Variants in PROSER2 observed in about 807,000 individuals in gnomAD.
The protein encoded by PROSER2 is proline and serine rich 2.
In PROSER2, 18 loss-of-function variants were observed where a neutral mutation model predicts 14.6. The observed-to-expected ratio is 1.23, with a 90% CI of 0.85 to 1.83. PROSER2 has a LOEUF of 1.83. PROSER2 is among the 40% of genes most tolerant of loss of function. PROSER2 has a pLI of 0.00. For missense variants in PROSER2, 823 were observed against 629.8 expected (o/e 1.31, Z -3.28); for synonymous variants, 367 against 286.4 (o/e 1.28, Z -2.84).
intron 1 of PROSER2, among the ~76,000 whole-genome samples, chr10:11,828,064 G>T (rs1400780583): frequency 6.6e-6 from 1 of 151,992 alleles, no homozygotes; most frequent in Non-Finnish European, 1.5e-5. Flanking sequence ...GAATGGTACT[G>T]CACTGGAATT....
intron 2 of PROSER2, among the ~76,000 whole-genome samples, chr10:11,852,649 A>C (rs1338393690): frequency 6.8e-6 from 1 of 146,062 alleles, no homozygotes; most frequent in Non-Finnish European, 1.5e-5. Flanking sequence ...CCTCCCAAGT[A>C]CTGGGATTAC....
rs1429034256 is a variant in PROSER2 at position 11,838,108 on chromosome 10, G to A, written c.-81-13889G>A. ...CCTCCAGGAAACCTTTCCTTTCTGT[G>A]TTGGTAGCAGCCAGACTCAGGTGCC... On this transcript the variant is annotated intron_variant, in intron 1 of 3. Transcript: ENST00000277570. The surrounding 1 kb of genome is among the most constrained non-coding windows in gnomAD (Gnocchi z 4.4). 6.6e-6 allele frequency among the ~76,000 whole-genome samples: 1 copy of A among 152,006 alleles called. No homozygotes were observed. The highest frequency in any genetic ancestry group is 2.4e-5 in the African/African-American group (1 of 41,404).
intron 2 of PROSER2, among the ~76,000 whole-genome samples, chr10:11,864,831 C>T (rs971330834): frequency 6.6e-5 from 10 of 152,132 alleles, no homozygotes; most frequent in African/African-American, 2.4e-4. Context: ...TCGAGTGATC[C>T]ACCCACCTCG....
intron 1 of PROSER2, chr10:11,849,823 A>G (rs1434360190): frequency 6.6e-6 from 1 of 152,360 alleles, no homozygotes; most frequent in Non-Finnish European, 1.5e-5. Flanking sequence ...CTTAATCCCC[A>G]GCATGGCCAT....
rs137933250 is a variant in PROSER2, at chr10:11,841,808, C to T, written c.-81-10189C>T. On this transcript the variant is annotated intron_variant, in intron 1 of 3. Transcript: ENST00000277570. ...TGACCCCATGTCATCAGTTCTCCTA[C>T]GTATTCTGCATGAGTCTGAAAGAAT... Among the ~76,000 whole-genome samples, 130 of 152,258 alleles carry T rather than the reference C, an allele frequency of 8.5e-4. 1 individual carries two copies. Among genetic ancestry groups the T allele is most frequent in the African/African-American group, 2.9e-3 (122 of 41,556 alleles).
At position 11,853,884 on chromosome 10, in the gene PROSER2, A is replaced by C. The variant is rs149211991; in HGVS notation, c.138+1669A>C. ...TTTTAAATTAAAGGATTCCTGTTCT[A>C]CCCAGTTCTTTCCTATCCGGTAAAT... On this transcript the variant is annotated intron_variant, in intron 2 of 3. Coordinates refer to ENST00000277570, the MANE Select transcript of PROSER2 (RefSeq NM_153256.4). 3.0e-3 allele frequency among the ~76,000 whole-genome samples: 461 copies of C among 152,188 alleles called. 4 individuals carry two copies. The highest frequency in any genetic ancestry group is 0.011 in the African/African-American group (441 of 41,526).
chr10:11,855,154 T>G (rs978797779), intron 2 of PROSER2, among the ~76,000 whole-genome samples: 4 of 151,302 alleles, frequency 2.6e-5, no homozygotes, highest in Admixed American at 2.0e-4. Context: ...TTTGTTTTTT[T>G]TTTTTTTTAA....
intron 1 of PROSER2, among the ~76,000 whole-genome samples, chr10:11,829,427 T>C (rs1461154812): frequency 6.6e-6 from 1 of 151,254 alleles, no homozygotes; most frequent in Admixed American, 6.6e-5. Context: ...CTACAAAAAA[T>C]TAAAAAATTA....
At position 11,837,248 on chromosome 10, in the gene PROSER2, A is replaced by C. The variant is rs951751845; in HGVS notation, c.-82+13778A>C. Among the ~76,000 whole-genome samples, 1 of 152,256 alleles carries C rather than the reference A, an allele frequency of 6.6e-6. No homozygotes were observed. Among genetic ancestry groups the C allele is most frequent in the African/African-American group, 2.4e-5 (1 of 41,472 alleles). On this transcript the variant is annotated intron_variant, in intron 1 of 3. Coordinates refer to ENST00000277570, the MANE Select transcript of PROSER2 (RefSeq NM_153256.4). This position sits in a 1 kb window ranked among gnomAD's most constrained non-coding sequence, Gnocchi z 4.6. ...TCAAATGCTGAGGTCGCTGAGACCT[A>C]CTGTAAGAACAAATCATCTTCTGTC...
In PROSER2 at chr10:11,830,727, C is replaced by G. The variant is rs977469468; in HGVS notation, c.-82+7257C>G. Among the ~76,000 whole-genome samples, 1 of 152,174 alleles carries G rather than the reference C, an allele frequency of 6.6e-6. No individual in the cohort carries two copies. The highest frequency in any genetic ancestry group is 1.5e-5 in the Non-Finnish European group (1 of 68,036). On this transcript the variant is annotated intron_variant, in intron 1 of 3. Transcript: ENST00000277570. This position sits in a 1 kb window ranked among gnomAD's most constrained non-coding sequence, Gnocchi z 4.5. ...CATGGGAACTGTTAGTTGGAATCTT[C>G]CAGTTTTTTCAACAAACATTTGGTG... is the stretch of plus-strand genomic sequence containing the variant.
intron 2 of PROSER2, among the ~76,000 whole-genome samples, chr10:11,859,007 T>TAAAAAAAAAA (rs1834180666): frequency 8.1e-5 from 1 of 12,422 alleles, no homozygotes; most frequent in Non-Finnish European, 1.6e-4. Flanking sequence ...AGACTCTGTC[T>TAAAAAAAAAA]CAAAAAAAAA....
In PROSER2 at chr10:11,866,648, G is replaced by C. The variant is rs145408142; in HGVS notation, c.256G>C (p.Val86Leu). 2 of 1,614,232 alleles carry C rather than the reference G, an allele frequency of 1.2e-6. No homozygotes were observed. The highest frequency in any genetic ancestry group is 1.7e-6 in the Non-Finnish European group (2 of 1,180,042). ...GGAGCCAGTGCTGTGCGATGGAGGA[G>C]TGTGCTGCCTCTGCTCCCCGTCTCT... ...FEEPVLCDGG[V>L]CCLCSPSLEE... Residue 86 changes from valine (V) to leucine (L), a missense_variant, in exon 3 of 4, where the codon GTG (valine) becomes CTG (leucine). Val to Leu is a conservative substitution (Grantham distance 32, BLOSUM62 1). Transcript: ENST00000277570. This position sits in a 1 kb window ranked among gnomAD's most constrained non-coding sequence, Gnocchi z 6.0.
chr10:11,861,811 C>T (rs1189599795), intron 2 of PROSER2, among the ~76,000 whole-genome samples: 2 of 152,108 alleles, frequency 1.3e-5, no homozygotes, highest in Admixed American at 1.3e-4. Context: ...GGCCATGCCT[C>T]CCGAGGAATA....
At position 11,853,521 on chromosome 10, in the gene PROSER2, A is replaced by G. The variant is rs1834068805; in HGVS notation, c.138+1306A>G. Among the ~76,000 whole-genome samples the G allele has an allele frequency of 2.0e-5, 3 of 152,262 alleles. No individual in the cohort carries two copies. In the South Asian group the frequency reaches 6.2e-4, roughly 32 times the overall value. On this transcript the variant is annotated intron_variant, in intron 2 of 3. Transcript: ENST00000277570. Reference sequence around the variant, plus strand: ...GAGAATCACTTGAACCAGGAGGCAGAGGTTGTAGTGAGCTGAAATCGCGCC... The same window carrying G: ...GAGAATCACTTGAACCAGGAGGCAGGGGTTGTAGTGAGCTGAAATCGCGCC...
rs1833778079 is a variant in PROSER2 at position 11,837,513 on chromosome 10, A to C, written c.-82+14043A>C. 6.6e-6 allele frequency among the ~76,000 whole-genome samples: 1 copy of C among 152,220 alleles called. No individual in the cohort carries two copies. The highest frequency in any genetic ancestry group is 1.5e-5 in the Non-Finnish European group (1 of 68,042). On this transcript the variant is annotated intron_variant, in intron 1 of 3. Coordinates refer to ENST00000277570, the MANE Select transcript of PROSER2 (RefSeq NM_153256.4). This position sits in a 1 kb window ranked among gnomAD's most constrained non-coding sequence, Gnocchi z 4.6. ...GGGAGAACTGCAGCAATATAGGTAC[A>C]TGGGGTTGTCTTCAGACCCAGCCTG...
At chr10:11,825,860 G>A (rs1458211319) in intron 1 of PROSER2, among the ~76,000 whole-genome samples, 1 of 152,154 alleles carries the variant, frequency 6.6e-6, no homozygotes, top group Non-Finnish European at 1.5e-5. Context: ...AGTTCATGCT[G>A]TTTATCTTTT....
chr10:11,835,106 T>TA lies in PROSER2; in HGVS notation c.-82+11654dup, dbSNP rs10556057. On this transcript the variant is annotated intron_variant, in intron 1 of 3. Coordinates refer to ENST00000277570, the MANE Select transcript of PROSER2 (RefSeq NM_153256.4). ...TGGGCGACAGAGTGAGAATCTGTCT[T>TA]AAAAAAAAAAAAAAAAAAGAAAAAG... 9.0e-3 allele frequency among the ~76,000 whole-genome samples: 1,276 copies of TA among 141,738 alleles called. 22 individuals are homozygous for TA. The highest frequency in any genetic ancestry group is 0.032 in the African/African-American group (1,210 of 37,956). The allele number at this position is 141,738 out of a possible 152,430, so 93.0% of individuals were successfully genotyped here. A position where few individuals can be genotyped will look rare whatever the true frequency, so the allele number is the denominator to read the frequency against.
intron 1 of PROSER2, among the ~76,000 whole-genome samples, chr10:11,846,540 A>AT (rs777347949): frequency 2.6e-4 from 40 of 151,778 alleles, no homozygotes; most frequent in Middle Eastern, 6.8e-3. Flanking sequence ...TTTGTTATCA[A>AT]TTTTTTCTTC....
chr10:11,852,823 C>G (rs1834051993), intron 2 of PROSER2, among the ~76,000 whole-genome samples: 1 of 152,052 alleles, frequency 6.6e-6, no homozygotes, highest in African/African-American at 2.4e-5. Flanking sequence ...CGCCAGGCCT[C>G]CCAAAGTGCT....
Sources: allele counts gnomAD v4.1 joint callset (sites outside exome capture counted in the v4.1 genomes callset), GRCh38; gene constraint gnomAD v4.1.1; non-coding constraint Gnocchi (gnomAD v3.1); transcripts MANE v1.5; gene names NCBI Gene and HGNC (gene_info 2026-07-23, HGNC 2026-07-21).